HAUS8: variants seen among roughly 807,000 people sequenced by gnomAD.
HAUS8 encodes the protein HAUS augmin-like complex subunit 8.
A neutral mutation model predicts 42.9 loss-of-function variants in HAUS8; 38 were observed. That is an observed-to-expected ratio of 0.89 (90% CI 0.68 to 1.16). The LOEUF is 1.16. Ranked by LOEUF, HAUS8 falls within the 50% of genes most tolerant of loss-of-function variation. The pLI is 0.00. For synonymous variants in HAUS8, 199 were observed against 205.8 expected, an observed-to-expected ratio of 0.97 and a Z score of 0.28; for missense variants, 494 against 511.6, an observed-to-expected ratio of 0.97 and a Z score of 0.33.
chr19:17,053,215 G>A, intron 9 of HAUS8: 1 of 541,738 alleles, frequency 1.8e-6, no homozygotes, highest in East Asian at 3.2e-5. Context: ...TGTCACTCTG[G>A]TGTCCTCAAC....
intron 9 of HAUS8, among the ~76,000 whole-genome samples, chr19:17,055,318 C>T (rs1459736542): frequency 3.6e-5 from 4 of 110,230 alleles, no homozygotes; most frequent in Admixed American, 1.2e-4. Context: ...CCAGCCTGGG[C>T]GACACAGCAA....
At chr19:17,063,319 ACTG>A (rs1229633611) in intron 3 of HAUS8, among the ~76,000 whole-genome samples, 1 of 152,162 alleles carries the variant, frequency 6.6e-6, no homozygotes, top group Non-Finnish European at 1.5e-5. Flanking sequence ...CCATCACACC[ACTG>A]CACCCCATCC....
intron 10 of HAUS8, 73 bp from the exon 11 acceptor site, chr19:17,050,249 G>C (rs1599964847): frequency 4.2e-6 from 5 of 1,183,630 alleles, no homozygotes; most frequent in Non-Finnish European, 2.2e-6. Flanking sequence ...TGAACGGAGG[G>C]CTGCCACACG....
At chr19:17,058,465 T>G in intron 8 of HAUS8, 84 bp downstream of exon 8, 1 of 1,358,134 alleles carries the variant, frequency 7.4e-7, no homozygotes, top group Non-Finnish European at 1.0e-6. Flanking sequence ...AATGATACCC[T>G]AGCACGAATG....
chr19:17,060,342 C>T (rs2057353181), intron 4 of HAUS8: 1 of 420,990 alleles, frequency 2.4e-6, no homozygotes, highest in African/African-American at 2.0e-5. Flanking sequence ...GCAAATAGGC[C>T]TTTCTGCTAG....
At chr19:17,051,596 T>C (rs975854445) in intron 10 of HAUS8, 6 of 151,826 alleles carry the variant, frequency 4.0e-5, no homozygotes, top group Non-Finnish European at 7.4e-5. Context: ...GCTGCTGGGT[T>C]ACTCTGAGGA....
chr19:17,069,752 C>T (rs780107109), intron 2 of HAUS8, among the ~76,000 whole-genome samples: 7 of 151,844 alleles, frequency 4.6e-5, no homozygotes, highest in Non-Finnish European at 1.0e-4. Flanking sequence ...CTCCCGGACC[C>T]CTCCCTCAAA....
At chr19:17,056,167 G>C (rs1408986793) in intron 8 of HAUS8, among the ~76,000 whole-genome samples, 165 bp from the exon 9 acceptor site, 3 of 152,216 alleles carry the variant, frequency 2.0e-5, no homozygotes, top group Non-Finnish European at 4.4e-5. Context: ...CTCTTCCCAA[G>C]AGAGCCAAGT....
chr19:17,064,018 T>G (rs1054276547), intron 3 of HAUS8, among the ~76,000 whole-genome samples: 2 of 152,214 alleles, frequency 1.3e-5, no homozygotes, highest in African/African-American at 4.8e-5. Context: ...TTGGTTCTGT[T>G]TCTCTGGAGA....
chr19:17,068,711 G>C (rs945943470), intron 3 of HAUS8, among the ~76,000 whole-genome samples: 1 of 151,998 alleles, frequency 6.6e-6, no homozygotes, highest in African/African-American at 2.4e-5. Context: ...AGGCTGCAGT[G>C]AGTCGTGATC....
chr19:17,060,700 A>G lies in HAUS8; in HGVS notation c.230-608T>C, dbSNP rs543002103. 3.3e-5 allele frequency among the ~76,000 whole-genome samples: 5 copies of G among 152,202 alleles called. No individual in the cohort carries two copies. The East Asian group carries it at 9.7e-4, about 29-fold the overall frequency. ...TGGGATTACAGGCATGAGCCACCGC[A>G]CTCAGCCAAGTAATCTTTCCATCTT... On this transcript the variant is annotated intron_variant, in intron 4 of 10. Coordinates refer to ENST00000253669, the MANE Select transcript of HAUS8 (RefSeq NM_033417.2).
intron 3 of HAUS8, 68 bp downstream of exon 3, chr19:17,068,963 T>C (rs1568641422): frequency 6.9e-7 from 1 of 1,441,364 alleles, no homozygotes; most frequent in Non-Finnish European, 9.7e-7. Context: ...CCATGACTAG[T>C]TTCGGAATTC....
At chr19:17,074,929 C>T (rs935407068) in intron 1 of HAUS8, 2 of 168,260 alleles carry the variant, frequency 1.2e-5, no homozygotes, top group African/African-American at 2.4e-5. Context: ...CCATCATCTC[C>T]TCAGTAAACT....
intron 3 of HAUS8, among the ~76,000 whole-genome samples, chr19:17,068,510 T>C (rs2057401358): frequency 6.6e-6 from 1 of 152,192 alleles, no homozygotes; most frequent in Non-Finnish European, 1.5e-5. Flanking sequence ...CTCACACTTG[T>C]AATCCCAACA....
At chr19:17,072,228 C>T (rs1298011072) in intron 2 of HAUS8, among the ~76,000 whole-genome samples, 2 of 151,890 alleles carry the variant, frequency 1.3e-5, no homozygotes, top group African/African-American at 4.8e-5. Context: ...GCTCTAAGCT[C>T]GCTGAATTGG....
At chr19:17,061,707 C>T (rs7254179) in intron 4 of HAUS8, among the ~76,000 whole-genome samples, 22,087 of 152,116 alleles carry the variant, frequency 0.15, 1,859 homozygotes, top group Non-Finnish European at 0.2. Context: ...ACCCACCAGA[C>T]GCCAGTAGAA....
At chr19:17,068,933 G>C in intron 3 of HAUS8, 98 bp downstream of exon 3, 1 of 1,052,136 alleles carries the variant, frequency 9.5e-7, no homozygotes. Flanking sequence ...CTTCCTTCAG[G>C]ACCAGGTTGT....
rs548566831 is a variant in HAUS8, at chr19:17,060,055, G to A, written c.267C>T (p.Ser89=). 1 of 1,613,334 alleles carries A rather than the reference G, an allele frequency of 6.2e-7. No homozygotes were observed. Among genetic ancestry groups the A allele is most frequent in the South Asian group, 1.1e-5 (1 of 91,050 alleles). The stretch of plus-strand genomic sequence containing the variant: ...CTGTGCCATGCCCTTCCAGCAACGT[G>A]GACTGCAGGTCACCCTTTCCGACCC... ...SSGVGKGDLQ[S]TLLEGHGTAP... is the part of the protein sequence containing the mutation. The change falls in exon 5 of 11, where the codon TCC becomes TCT. Residue 89 remains serine (S), a synonymous_variant. Coordinates refer to ENST00000253669, the MANE Select transcript of HAUS8 (RefSeq NM_033417.2).
rs186168247 is a variant in HAUS8 at position 17,054,055 on chromosome 19, G to A, written c.788-1089C>T. 1.4e-4 allele frequency among the ~76,000 whole-genome samples: 22 copies of A among 152,206 alleles called. No individual in the cohort carries two copies. In the East Asian group the frequency reaches 4.1e-3, roughly 28 times the overall value. ...GGGACACGGCCATGAGCCAAGGAAC[G>A]CCAAGGGCCACCAGCAGCCACCAGC... On this transcript the variant is annotated intron_variant, in intron 9 of 10. Transcript: ENST00000253669.
Sources: gnomAD v4.1 joint callset for allele counts (sites outside exome capture counted in the v4.1 genomes callset) on GRCh38, gnomAD v4.1.1 for gene constraint, MANE v1.5 for transcripts, NCBI Gene and HGNC (gene_info 2026-07-23, HGNC 2026-07-21) for gene names.